Variants in PCDHA4 observed in about 807,000 individuals in gnomAD.
PCDHA4 encodes protocadherin alpha-4.
In PCDHA4, 49 loss-of-function variants were observed where a neutral mutation model predicts 61.4. That is an observed-to-expected ratio of 0.80 (90% CI 0.63 to 1.01). The LOEUF (loss-of-function observed/expected upper bound fraction) is 1.01, where lower values mean the gene tolerates loss of function less well. Among genes scored for constraint, PCDHA4 ranks in the 50% least tolerant of loss-of-function variants. The pLI is 0.00. For synonymous variants in PCDHA4, 590 were observed against 550.3 expected, an observed-to-expected ratio of 1.07 and a Z score of -1.01; for missense variants, 1,254 against 1,235.8, an observed-to-expected ratio of 1.01 and a Z score of -0.22.
chr5:140,908,778 C>G (rs1452710808), intron 1 of PCDHA4, among the ~76,000 whole-genome samples: 1 of 152,184 alleles, frequency 6.6e-6, no homozygotes, highest in Non-Finnish European at 1.5e-5. Flanking sequence ...GTAGAGTCTT[C>G]TCCTGTTCTG....
intron 1 of PCDHA4, chr5:140,877,370 C>G (rs781905172): frequency 6.2e-7 from 1 of 1,614,004 alleles, no homozygotes; most frequent in Admixed American, 1.7e-5. Context: ...GAGATCAGCA[C>G]GACACGCATC....
chr5:140,841,669 T>A, intron 1 of PCDHA4: 1 of 1,614,020 alleles, frequency 6.2e-7, no homozygotes, highest in East Asian at 2.2e-5. Flanking sequence ...CGCTGCAGGT[T>A]TTCCATGTGG....
intron 1 of PCDHA4, chr5:140,930,208 A>C (rs939593947): frequency 6.6e-6 from 1 of 152,220 alleles, no homozygotes; most frequent in African/African-American, 2.4e-5. Flanking sequence ...AGAAATATTT[A>C]TGTGTTCAAA....
chr5:140,883,997 G>A, intron 1 of PCDHA4: 1 of 1,613,014 alleles, frequency 6.2e-7, no homozygotes, highest in Non-Finnish European at 8.5e-7. Context: ...GGGAGGCACA[G>A]TGAGCGAGCT....
At chr5:140,822,126 T>C (rs2150113855) in intron 1 of PCDHA4, 9 of 1,614,204 alleles carry the variant, frequency 5.6e-6, no homozygotes, top group Non-Finnish European at 6.8e-6. Flanking sequence ...AGGTTTTCCA[T>C]GTGGAGGTGG....
chr5:140,853,607 T>C, intron 1 of PCDHA4: 1 of 987,062 alleles, frequency 1.0e-6, no homozygotes, highest in Non-Finnish European at 1.2e-6. Context: ...GCAAAGGGGG[T>C]GCTGTAAATA....
intron 1 of PCDHA4, among the ~76,000 whole-genome samples, chr5:140,924,127 A>G (rs2081688492): frequency 6.6e-6 from 1 of 152,252 alleles, no homozygotes; most frequent in African/African-American, 2.4e-5. Flanking sequence ...CTTGCTTAGC[A>G]GCATTAATTT....
In PCDHA4 at chr5:140,969,065, A is replaced by G. The variant is rs1554231418; in HGVS notation, c.2386-9884A>G. 4.3e-6 allele frequency: 7 copies of G among 1,614,188 alleles called. No individual in the cohort carries two copies. The East Asian group carries it at 1.6e-4, about 36-fold the overall frequency. On this transcript the variant is annotated intron_variant, in intron 1 of 3. Coordinates refer to ENST00000530339, the MANE Select transcript of PCDHA4 (RefSeq NM_018907.4). ...ACAAGCCAACAACAATATTGATGCC[A>G]GGATACCGCATGGCCTCAAAGTGCA...
At chr5:140,836,309 AC>A (rs2150257365) in intron 1 of PCDHA4, 1 of 1,613,652 alleles carries the variant, frequency 6.2e-7, no homozygotes, top group East Asian at 2.2e-5. Context: ...AGACGGACGC[AC>A]CGCGCCACCG....
At chr5:140,848,462 T>C in intron 1 of PCDHA4, 1 of 1,542,130 alleles carries the variant, frequency 6.5e-7, no homozygotes, top group Non-Finnish European at 8.8e-7. Flanking sequence ...TTGGAGGCAA[T>C]TTTCACTAAT....
At chr5:140,953,952 C>T (rs1025145135) in intron 1 of PCDHA4, among the ~76,000 whole-genome samples, 1 of 152,084 alleles carries the variant, frequency 6.6e-6, no homozygotes, top group Non-Finnish European at 1.5e-5. Context: ...GCTCCCCCAA[C>T]AGGCCCCAGT....
chr5:140,885,509 T>C (rs1020233501), intron 1 of PCDHA4, among the ~76,000 whole-genome samples: 36 of 152,208 alleles, frequency 2.4e-4, no homozygotes, highest in Admixed American at 1.4e-3. Flanking sequence ...TGAACCATGC[T>C]GTGCTATCAT....
chr5:140,914,816 A>T (rs2076855290), intron 1 of PCDHA4, among the ~76,000 whole-genome samples: 1 of 152,208 alleles, frequency 6.6e-6, no homozygotes, highest in African/African-American at 2.4e-5. Context: ...AACTTAACAG[A>T]CTGCATAAAC....
intron 1 of PCDHA4, chr5:140,876,230 A>C: frequency 6.2e-7 from 1 of 1,613,886 alleles, no homozygotes; most frequent in South Asian, 1.1e-5. Flanking sequence ...GTGTTGTCTG[A>C]AAATGTCCAA....
intron 1 of PCDHA4, among the ~76,000 whole-genome samples, chr5:140,945,166 T>C (rs145739178): frequency 2.6e-5 from 4 of 152,112 alleles, no homozygotes; most frequent in African/African-American, 9.6e-5. Context: ...TTGAACTATC[T>C]GAAAAATAAA....
intron 1 of PCDHA4, among the ~76,000 whole-genome samples, chr5:140,947,315 C>CGGTT (rs1443576978): frequency 4.0e-5 from 6 of 151,444 alleles, no homozygotes; most frequent in African/African-American, 1.5e-4. Flanking sequence ...TGTAAAAAGT[C>CGGTT]GGTTGACCAT....
chr5:140,831,954 TTA>T (rs1771776024), intron 1 of PCDHA4, among the ~76,000 whole-genome samples: 2 of 152,186 alleles, frequency 1.3e-5, no homozygotes, highest in South Asian at 4.1e-4. Flanking sequence ...AAGAAAAACT[TTA>T]TGTCATTTTA....
Position 140,808,357 on chromosome 5 carries a change from G to C in PCDHA4, c.1170G>C (p.Thr390=). The C allele has an allele frequency of 6.2e-7, 1 of 1,614,204 alleles. No homozygotes were observed. Among genetic ancestry groups the C allele is most frequent in the Non-Finnish European group, 8.5e-7 (1 of 1,180,054 alleles). ...ATGGGCTGGTCACCTGCTCCTTGACGTCCCACGTCCCCTTCAAGCTGGTGT... is the reference window on the plus strand; with the variant it reads ...ATGGGCTGGTCACCTGCTCCTTGACCTCCCACGTCCCCTTCAAGCTGGTGT... ...GVNGLVTCSL[T]SHVPFKLVST... Residue 390 remains threonine, a synonymous_variant, in exon 1 of 4, where the codon ACG becomes ACC. Coordinates refer to ENST00000530339, the MANE Select transcript of PCDHA4 (RefSeq NM_018907.4).
intron 1 of PCDHA4, among the ~76,000 whole-genome samples, chr5:140,935,636 G>A (rs1554210607): frequency 6.6e-6 from 1 of 152,052 alleles, no homozygotes; most frequent in African/African-American, 2.4e-5. Context: ...TTTAGGGCTT[G>A]CTTTTTAAAT....
Sources: allele counts gnomAD v4.1 joint callset (sites outside exome capture counted in the v4.1 genomes callset), GRCh38; gene constraint gnomAD v4.1.1; transcripts MANE v1.5; gene names NCBI Gene and HGNC (gene_info 2026-07-23, HGNC 2026-07-21).